AUTS2: variants seen among roughly 807,000 people sequenced by gnomAD.
AUTS2 encodes activator of transcription and developmental regulator AUTS2, also known as autism susceptibility gene 2 protein.
Under a neutral mutation model 112.4 loss-of-function variants are expected in AUTS2, and 17 were observed. The ratio of observed to expected loss-of-function variants is 0.15; its 90% CI spans 0.10 to 0.23. The LOEUF (loss-of-function observed/expected upper bound fraction) is 0.23, where lower values mean the gene tolerates loss of function less well. AUTS2 is among the 10% of genes least tolerant of loss of function. The pLI, the probability that AUTS2 is intolerant of heterozygous loss-of-function variation, is 1.00. For synonymous variants in AUTS2, 751 were observed against 702.7 expected, an observed-to-expected ratio of 1.07 and a Z score of -1.09; for missense variants, 1,510 against 1,701.6, an observed-to-expected ratio of 0.89 and a Z score of 1.98.
intron 1 of AUTS2, among the ~76,000 whole-genome samples, chr7:69,836,766 A>G (rs1387792108): frequency 1.3e-5 from 2 of 152,200 alleles, no homozygotes; most frequent in Non-Finnish European, 2.9e-5. Context: ...GCCTAAAAAA[A>G]TTAACAAATT....
At chr7:70,527,112 G>A (rs11977788) in intron 5 of AUTS2, among the ~76,000 whole-genome samples, 12,247 of 152,176 alleles carry the variant, frequency 0.08, 591 homozygotes, top group African/African-American at 0.12. Context: ...GCTCATCTCC[G>A]TTGTTCTGGT....
chr7:70,670,913 T>C (rs1000545577), intron 5 of AUTS2, among the ~76,000 whole-genome samples: 7 of 152,164 alleles, frequency 4.6e-5, no homozygotes, highest in African/African-American at 1.7e-4. Flanking sequence ...GGCTCACGCA[T>C]GTAGTCCCAG....
At chr7:70,150,311 A>G (rs1024322989) in intron 4 of AUTS2, among the ~76,000 whole-genome samples, 3 of 152,150 alleles carry the variant, frequency 2.0e-5, no homozygotes, top group Admixed American at 6.5e-5. Context: ...GAGGTAGGAA[A>G]ATATTGTGCA....
At chr7:69,779,818 G>T (rs945573410) in intron 1 of AUTS2, among the ~76,000 whole-genome samples, 2 of 151,164 alleles carry the variant, frequency 1.3e-5, no homozygotes, top group East Asian at 1.9e-4. Context: ...CATTTTCTCA[G>T]TGTGTATACT....
chr7:70,032,954 T>C (rs530128613), intron 2 of AUTS2, among the ~76,000 whole-genome samples: 4 of 152,186 alleles, frequency 2.6e-5, no homozygotes, highest in Admixed American at 1.3e-4. Flanking sequence ...GGTGTGACTA[T>C]ATTTGTATTA....
At chr7:70,241,226 AT>A (rs1812596066) in intron 4 of AUTS2, among the ~76,000 whole-genome samples, 2 of 152,246 alleles carry the variant, frequency 1.3e-5, no homozygotes, top group Admixed American at 1.3e-4. Flanking sequence ...ATTCATTATG[AT>A]TTGTACCTAA....
At chr7:70,534,120 C>T (rs1563022707) in intron 5 of AUTS2, among the ~76,000 whole-genome samples, 1 of 152,186 alleles carries the variant, frequency 6.6e-6, no homozygotes, top group Non-Finnish European at 1.5e-5. Flanking sequence ...TTTTCTCTGC[C>T]TCCACATCGG....
intron 4 of AUTS2, among the ~76,000 whole-genome samples, chr7:70,269,968 G>A (rs1787609997): frequency 6.6e-6 from 1 of 152,160 alleles, no homozygotes; most frequent in Non-Finnish European, 1.5e-5. Context: ...AAGCATAGGA[G>A]TTTGAGGCTG....
chr7:69,735,776 T>C (rs574959471), intron 1 of AUTS2, among the ~76,000 whole-genome samples: 69 of 152,334 alleles, frequency 4.5e-4, no homozygotes, highest in African/African-American at 1.4e-3. Context: ...CTGGCCCTTA[T>C]CTGATTTGCT....
At position 70,023,149 on chromosome 7, in the gene AUTS2, A is replaced by T. The variant is rs1012073893; in HGVS notation, c.523-94983A>T. On this transcript the variant is annotated intron_variant, in intron 2 of 18. Coordinates refer to ENST00000342771, the MANE Select transcript of AUTS2 (RefSeq NM_015570.4). ...TGTGAGCCACTGTGCCCAGCCTCTA[A>T]TTGGTGACTTCTCAATTAACTTTGA... Among the ~76,000 whole-genome samples the T allele has an allele frequency of 2.0e-5, 3 of 152,150 alleles. No individual in the cohort carries two copies. The East Asian group carries it at 5.8e-4, about 29-fold the overall frequency.
At chr7:70,733,468 A>G (rs1330617437) in intron 6 of AUTS2, among the ~76,000 whole-genome samples, 1 of 152,208 alleles carries the variant, frequency 6.6e-6, no homozygotes, top group African/African-American at 2.4e-5. Flanking sequence ...AACATACAGA[A>G]AAGTGAAGAT....
intron 2 of AUTS2, among the ~76,000 whole-genome samples, chr7:69,987,055 G>A (rs1320022778): frequency 6.6e-6 from 1 of 152,194 alleles, no homozygotes; most frequent in African/African-American, 2.4e-5. Flanking sequence ...GGACAATGTT[G>A]AGATGAAAAG....
chr7:70,438,787 C>T (rs1214290763), intron 5 of AUTS2, among the ~76,000 whole-genome samples: 2 of 152,166 alleles, frequency 1.3e-5, no homozygotes, highest in Admixed American at 6.5e-5. Context: ...GATTCGCATT[C>T]GAATCTGAAT....
rs1585012665 is a variant in AUTS2 at position 70,318,535 on chromosome 7, G to C, written c.661-117217G>C. 2.6e-5 allele frequency among the ~76,000 whole-genome samples: 4 copies of C among 152,254 alleles called. No individual in the cohort carries two copies. The East Asian group carries it at 5.8e-4, about 22-fold the overall frequency. Reference sequence around the variant, plus strand: ...CTCAGAAGGAAAGGCATGTTAAGCTGTCATATCAGGTTGATTGAATAGATT... The same window carrying C: ...CTCAGAAGGAAAGGCATGTTAAGCTCTCATATCAGGTTGATTGAATAGATT... On this transcript the variant is annotated intron_variant, in intron 4 of 18. Coordinates refer to ENST00000342771, the MANE Select transcript of AUTS2 (RefSeq NM_015570.4).
intron 11 of AUTS2, 129 bp from the exon 12 acceptor site, chr7:70,773,899 A>T: frequency 1.2e-6 from 1 of 841,894 alleles, no homozygotes. Context: ...GAGAAAAATG[A>T]ATCTTGCGTT....
In AUTS2 at chr7:70,142,834, C is replaced by A. The variant is rs114187337; in HGVS notation, c.660+8263C>A. On this transcript the variant is annotated intron_variant, in intron 4 of 18. Transcript: ENST00000342771. ...TTGGCTTTAAGGAAGGTTGTCTTAT[C>A]CTTGTTGGAGATTTCCACATTACAG... is the stretch of plus-strand genomic sequence containing the variant. Among the ~76,000 whole-genome samples, 444 of 152,096 alleles carry A rather than the reference C, an allele frequency of 2.9e-3. 5 individuals carry two copies. Among genetic ancestry groups the A allele is most frequent in the African/African-American group, 0.01 (430 of 41,504 alleles).
intron 1 of AUTS2, among the ~76,000 whole-genome samples, chr7:69,645,075 ATTTTT>A (rs34549998): frequency 2.9e-5 from 4 of 139,736 alleles, no homozygotes; most frequent in African/African-American, 5.4e-5. Context: ...CACCCAGTTA[ATTTTT>A]TTTTTTTTTT....
chr7:69,631,286 G>C (rs536431454), intron 1 of AUTS2, among the ~76,000 whole-genome samples: 1 of 152,246 alleles, frequency 6.6e-6, no homozygotes, highest in African/African-American at 2.4e-5. Context: ...AAAAGTAGAA[G>C]AGGGCAGTGT....
chr7:69,841,177 T>C (rs949123289), intron 1 of AUTS2, among the ~76,000 whole-genome samples: 6 of 152,192 alleles, frequency 3.9e-5, no homozygotes, highest in African/African-American at 1.4e-4. Context: ...TAGGCTGTTC[T>C]TGCATGGCTA....
Sources: allele counts gnomAD v4.1 joint callset (sites outside exome capture counted in the v4.1 genomes callset), GRCh38; gene constraint gnomAD v4.1.1; transcripts MANE v1.5; gene names NCBI Gene and HGNC (gene_info 2026-07-23, HGNC 2026-07-21).